Variants in TENM3 observed in about 807,000 individuals in gnomAD.
TENM3 encodes the protein teneurin-3.
Under a neutral mutation model 255.1 loss-of-function variants are expected in TENM3, and 63 were observed. The observed-to-expected ratio is 0.25, with a 90% confidence interval of 0.20 to 0.30. The LOEUF is 0.30. Ranked by LOEUF, TENM3 falls within the 10% of genes least tolerant of loss-of-function variation. TENM3 has a pLI of 1.00. For missense variants in TENM3, 2,929 were observed against 3,461.1 expected, an observed-to-expected ratio of 0.85 and a Z score of 3.86; for synonymous variants, 1,306 against 1,322.3, an observed-to-expected ratio of 0.99 and a Z score of 0.27.
the TENM3 span, among the ~76,000 whole-genome samples, chr4:181,636,830 CT>C: frequency 1.3e-5 from 2 of 152,162 alleles, no homozygotes; most frequent in East Asian, 1.9e-4. Context: ...TTTAGAGCCC[CT>C]GATGGCTTCC....
At chr4:181,792,615 G>A in the TENM3 span, among the ~76,000 whole-genome samples, 1 of 152,172 alleles carries the variant, frequency 6.6e-6, no homozygotes, top group Non-Finnish European at 1.5e-5. Context: ...TTATTTATGA[G>A]TAATCTGAAA....
At chr4:182,620,220 A>G (rs965811374) in intron 4 of TENM3, among the ~76,000 whole-genome samples, 4 of 152,194 alleles carry the variant, frequency 2.6e-5, no homozygotes, top group African/African-American at 9.7e-5. Flanking sequence ...GCGGAAACTC[A>G]CTGTCTACTC....
In TENM3 at chr4:182,682,040, C is replaced by T. The variant is rs946518995; in HGVS notation, c.2035+26C>T. ...GTGAGGTTAATAAATGCAGTACAAT[C>T]GAGTTGCTTAATACTGTTTGGCTAA... On this transcript the variant is annotated intron_variant, in intron 11 of 27. Coordinates refer to ENST00000511685, the MANE Select transcript of TENM3 (RefSeq NM_001080477.4). The T allele has an allele frequency of 4.4e-6, 7 of 1,591,770 alleles. No homozygotes were observed. The African/African-American group carries it at 5.4e-5, about 12-fold the overall frequency.
At chr4:181,578,501 G>A in the TENM3 span, among the ~76,000 whole-genome samples, 4 of 152,202 alleles carry the variant, frequency 2.6e-5, no homozygotes, top group East Asian at 1.9e-4. Flanking sequence ...TCCACTGCCC[G>A]CTGCGGAGAG....
the TENM3 span, among the ~76,000 whole-genome samples, chr4:181,495,438 C>T: frequency 6.6e-6 from 1 of 152,162 alleles, no homozygotes; most frequent in Non-Finnish European, 1.5e-5. Context: ...AGTGAGATTC[C>T]CAAACAGCCC....
chr4:181,961,712 A>G, the TENM3 span, among the ~76,000 whole-genome samples: 2 of 152,192 alleles, frequency 1.3e-5, no homozygotes, highest in African/African-American at 4.8e-5. Flanking sequence ...ATGTTTTTCA[A>G]TATATCTAAT....
chr4:181,914,753 T>C, the TENM3 span, among the ~76,000 whole-genome samples: 2 of 152,110 alleles, frequency 1.3e-5, no homozygotes, highest in South Asian at 4.1e-4. Flanking sequence ...GAAGACAGGA[T>C]GAATGATATA....
At chr4:181,768,656 CT>C in the TENM3 span, among the ~76,000 whole-genome samples, 39 of 151,886 alleles carry the variant, frequency 2.6e-4, no homozygotes, top group Admixed American at 1.8e-3. Flanking sequence ...AATGCTGTGC[CT>C]TTTTTTTCTA....
chr4:181,964,318 A>G, the TENM3 span, among the ~76,000 whole-genome samples: 4 of 152,128 alleles, frequency 2.6e-5, no homozygotes, highest in African/African-American at 9.7e-5. Context: ...ATGAGGGGTA[A>G]TTTTACAAAG....
At chr4:182,453,948 A>C (rs1228751844) in intron 3 of TENM3, among the ~76,000 whole-genome samples, 2 of 152,190 alleles carry the variant, frequency 1.3e-5, no homozygotes, top group African/African-American at 4.8e-5. Flanking sequence ...CGGAGTAGAC[A>C]CCTGGCTGAG....
chr4:182,184,620 C>A (rs544954395), intron 1 of TENM3, among the ~76,000 whole-genome samples: 1 of 151,596 alleles, frequency 6.6e-6, no homozygotes, highest in African/African-American at 2.4e-5. Flanking sequence ...ACATAGCCAG[C>A]CTACTGCTAT....
the TENM3 span, among the ~76,000 whole-genome samples, chr4:182,000,699 A>G: frequency 6.6e-6 from 1 of 152,148 alleles, no homozygotes; most frequent in Admixed American, 6.6e-5. Flanking sequence ...ATGTATTTTG[A>G]GACTCTAAAA....
chr4:181,570,069 C>T, the TENM3 span, among the ~76,000 whole-genome samples: 6 of 137,218 alleles, frequency 4.4e-5, no homozygotes, highest in Admixed American at 1.6e-4. Context: ...GACGGAGTCT[C>T]GCTCTGTCGC....
intron 1 of TENM3, among the ~76,000 whole-genome samples, chr4:182,279,500 T>G (rs1011407878): frequency 8.5e-5 from 13 of 152,180 alleles, no homozygotes; most frequent in Non-Finnish European, 1.8e-4. Flanking sequence ...TGAGACAATT[T>G]GATGAACAAG....
chr4:181,968,962 GTCTCTC>G, the TENM3 span, among the ~76,000 whole-genome samples: 11,415 of 144,432 alleles, frequency 0.079, 535 homozygotes, highest in South Asian at 0.19. Flanking sequence ...TACCTCTCTT[GTCTCTC>G]TCTCTCTCTC....
the TENM3 span, among the ~76,000 whole-genome samples, chr4:181,895,063 C>A: frequency 6.6e-6 from 1 of 151,904 alleles, no homozygotes; most frequent in Non-Finnish European, 1.5e-5. Context: ...GTAGGCCTAT[C>A]TTCTGCTTGA....
chr4:182,472,300 TC>T (rs1273123379), intron 3 of TENM3, among the ~76,000 whole-genome samples: 1 of 152,186 alleles, frequency 6.6e-6, no homozygotes, highest in Non-Finnish European at 1.5e-5. Flanking sequence ...TCTTTATTAA[TC>T]CCCTTCTTTT....
chr4:181,863,151 C>T, the TENM3 span, among the ~76,000 whole-genome samples: 1 of 152,074 alleles, frequency 6.6e-6, no homozygotes, highest in African/African-American at 2.4e-5. Context: ...AAGAATAGAG[C>T]TCAGAATAAA....
At chr4:182,173,292 G>C (rs1436469439) in intron 1 of TENM3, among the ~76,000 whole-genome samples, 1 of 152,176 alleles carries the variant, frequency 6.6e-6, no homozygotes, top group Admixed American at 6.5e-5. Flanking sequence ...ATGCATCTAA[G>C]ATGACAATGC....
Sources: allele counts gnomAD v4.1 joint callset (sites outside exome capture counted in the v4.1 genomes callset), GRCh38; gene constraint gnomAD v4.1.1; transcripts MANE v1.5; gene names NCBI Gene and HGNC (gene_info 2026-07-23, HGNC 2026-07-21).